The following TPM3 variants were observed in gnomAD, a reference collection of about 807,000 sequenced individuals.
The protein encoded by TPM3 is tropomyosin alpha-3 chain.
A neutral mutation model predicts 43.1 loss-of-function variants in TPM3; 16 were observed. The observed-to-expected ratio is 0.37, with a 90% confidence interval of 0.25 to 0.56. TPM3 has a LOEUF of 0.56. Ranked by LOEUF, TPM3 falls within the 20% of genes least tolerant of loss-of-function variation. The pLI, the probability that TPM3 is intolerant of heterozygous loss-of-function variation, is 0.77. For synonymous variants in TPM3, 101 were observed against 116.9 expected (o/e 0.86, Z 0.88); for missense variants, 176 against 337.2 (o/e 0.52, Z 3.74).
chr1:154,184,071 G>A (rs1444317997), intron 2 of TPM3, among the ~76,000 whole-genome samples: 2 of 151,430 alleles, frequency 1.3e-5, no homozygotes, highest in Non-Finnish European at 2.9e-5. Flanking sequence ...TTTTTGGGAC[G>A]GAGTCTCCTC....
chr1:154,169,490 G>T, intron 8 of TPM3, 107 bp from the exon 9 acceptor site: 1 of 1,090,764 alleles, frequency 9.2e-7, no homozygotes, highest in Non-Finnish European at 1.4e-6. Flanking sequence ...GTGACTGTGG[G>T]TCTAATACCA....
At chr1:154,185,859 C>T (rs922059718) in intron 2 of TPM3, among the ~76,000 whole-genome samples, 2 of 151,446 alleles carry the variant, frequency 1.3e-5, no homozygotes, top group Non-Finnish European at 1.5e-5. Flanking sequence ...AGTAGGTAAT[C>T]GTGATAAATT....
downstream of TPM3, chr1:154,155,464 G>C (rs547349156): frequency 8.2e-6 from 2 of 242,428 alleles, no homozygotes; most frequent in South Asian, 1.3e-4. Context: ...GCAGTCTCTG[G>C]GATAAACAGC....
At chr1:154,173,664 C>CAAA (rs75398811) in intron 3 of TPM3, among the ~76,000 whole-genome samples, 1 of 79,660 alleles carries the variant, frequency 1.3e-5, no homozygotes. Context: ...AACTCCGTCT[C>CAAA]AAAAAAAAAA....
At chr1:154,159,935 G>A (rs1318970609), downstream of TPM3, among the ~76,000 whole-genome samples, 1 of 112,292 alleles carries the variant, frequency 8.9e-6, no homozygotes, top group East Asian at 2.3e-4. Context: ...ATGGCTAGAT[G>A]TATGTGATTA....
chr1:154,155,509 G>T (rs1659707033), downstream of TPM3: 1 of 236,412 alleles, frequency 4.2e-6, no homozygotes, highest in East Asian at 6.1e-5. Flanking sequence ...ATTTTTACTA[G>T]AAGTCAGATT....
intron 2 of TPM3, among the ~76,000 whole-genome samples, chr1:154,185,188 A>G (rs1211176248): frequency 1.3e-5 from 2 of 151,854 alleles, no homozygotes; most frequent in South Asian, 2.1e-4. Flanking sequence ...CCTGGCCAAC[A>G]TGGCAAAACC....
chr1:154,158,380 T>C (rs1056898891), downstream of TPM3, among the ~76,000 whole-genome samples: 2 of 152,080 alleles, frequency 1.3e-5, no homozygotes, highest in Non-Finnish European at 2.9e-5. Flanking sequence ...GACGCAAAAG[T>C]CAGAAAGAAA....
rs6672584 is a variant in TPM3 at position 154,165,726 on chromosome 1, T to G, written c.*2211A>C. Reference sequence around the variant, plus strand: ...ACTGCTTGAACCCAGGAGGCAGAGGTTGCAGTGAGCTGAGATCAGGCCACT... The same window carrying G: ...ACTGCTTGAACCCAGGAGGCAGAGGGTGCAGTGAGCTGAGATCAGGCCACT... On this transcript the variant is annotated 3_prime_UTR_variant, in exon 10 of 10. Coordinates refer to ENST00000651641, the MANE Select transcript of TPM3 (RefSeq NM_152263.4). 0.13 allele frequency among the ~76,000 whole-genome samples: 19,841 copies of G among 149,440 alleles called. 2,286 individuals are homozygous for G. The highest frequency in any genetic ancestry group is 0.31 in the African/African-American group (12,600 of 40,374).
At position 154,167,865 on chromosome 1, in the gene TPM3, A is replaced by G. The variant is rs1661143564; in HGVS notation, c.*72T>C. The G allele has an allele frequency of 9.9e-6, 16 of 1,613,652 alleles. No homozygotes were observed. Among genetic ancestry groups the G allele is most frequent in the South Asian group, 2.2e-5 (2 of 91,080 alleles). ...CCAGGCTGACCCAAATGGAATCCAGAGCGAGAGTGGGGCCTTGGGTTCCCC... is the reference window on the plus strand; with the variant it reads ...CCAGGCTGACCCAAATGGAATCCAGGGCGAGAGTGGGGCCTTGGGTTCCCC... On this transcript the variant is annotated 3_prime_UTR_variant, in exon 10 of 10. Transcript: ENST00000651641.
chr1:154,157,398 G>A (rs1469931560), downstream of TPM3: 1 of 606,818 alleles, frequency 1.6e-6, no homozygotes, highest in African/African-American at 1.8e-5. Context: ...ATTATGCATT[G>A]TGCTCACATT....
At chr1:154,179,582 C>A (rs1178415054) in intron 2 of TPM3, among the ~76,000 whole-genome samples, 7 of 151,968 alleles carry the variant, frequency 4.6e-5, no homozygotes, top group African/African-American at 1.7e-4. Context: ...CTTACACTCC[C>A]GCAGTTGACC....
rs1660743062 is a variant in TPM3, at chr1:154,164,549, C to T, written c.*3388G>A. On this transcript the variant is annotated 3_prime_UTR_variant, in exon 10 of 10. Transcript: ENST00000651641. Reference sequence around the variant, plus strand: ...TCACAATGCCTGTCTTTATTTAGTGCTATCTCTCCTGCCACTACTCTAGCT... The same window carrying T: ...TCACAATGCCTGTCTTTATTTAGTGTTATCTCTCCTGCCACTACTCTAGCT... 6.6e-6 allele frequency among the ~76,000 whole-genome samples: 1 copy of T among 152,192 alleles called. No individual in the cohort carries two copies. The highest frequency in any genetic ancestry group is 6.5e-5 in the Admixed American group (1 of 15,276).
At chr1:154,169,455 G>A in intron 8 of TPM3, 72 bp from the exon 9 acceptor site, 1 of 1,490,368 alleles carries the variant, frequency 6.7e-7, no homozygotes, top group Non-Finnish European at 9.4e-7. Context: ...GATGAAGAGA[G>A]GGAATCATTA....
rs1660747290 is a variant in TPM3 at position 154,164,603 on chromosome 1, C to T, written c.*3334G>A. 6.6e-6 allele frequency among the ~76,000 whole-genome samples: 1 copy of T among 152,206 alleles called. No homozygotes were observed. Among genetic ancestry groups the T allele is most frequent in the African/African-American group, 2.4e-5 (1 of 41,448 alleles). ...ACCCTGATTATTCTCTCCTAGAAAA[C>T]TAAATTAACCTAACCCAATTTTTTC... On this transcript the variant is annotated 3_prime_UTR_variant, in exon 10 of 10. Transcript: ENST00000651641.
At chr1:154,168,273 T>G (rs950874846) in intron 9 of TPM3, among the ~76,000 whole-genome samples, 1 of 152,198 alleles carries the variant, frequency 6.6e-6, no homozygotes, top group Admixed American at 6.5e-5. Context: ...CCCTGAACTT[T>G]AATATCAGGG....
At chr1:154,169,869 A>G (rs1480661127) in intron 8 of TPM3, 2 of 246,530 alleles carry the variant, frequency 8.1e-6, no homozygotes, top group Non-Finnish European at 1.6e-5. Context: ...AGAGTTCTCA[A>G]AGCAAAGAGT....
At chr1:154,183,299 C>A in intron 2 of TPM3, 8 of 1,493,602 alleles carry the variant, frequency 5.4e-6, no homozygotes, top group Non-Finnish European at 7.1e-6. Flanking sequence ...AGGCAGTCCA[C>A]TGGAGGGAGA....
chr1:154,171,702 T>C (rs1661594322), intron 5 of TPM3: 2 of 641,476 alleles, frequency 3.1e-6, no homozygotes, highest in Admixed American at 5.3e-5. Flanking sequence ...GGCTCAAAAA[T>C]GTTTGAATAC....
Sources: allele counts gnomAD v4.1 joint callset (sites outside exome capture counted in the v4.1 genomes callset), GRCh38; gene constraint gnomAD v4.1.1; transcripts MANE v1.5; gene names NCBI Gene and HGNC (gene_info 2026-07-23, HGNC 2026-07-21).